Variants in RNF212B observed in about 807,000 individuals in gnomAD.
The protein encoded by RNF212B is ring finger protein 212B.
Under a neutral mutation model 55.5 loss-of-function variants are expected in RNF212B, and 52 were observed. That is an observed-to-expected ratio of 0.94 (90% CI 0.75 to 1.18). The LOEUF (loss-of-function observed/expected upper bound fraction) is 1.18, where lower values mean the gene tolerates loss of function less well. Among genes scored for constraint, RNF212B ranks in the 50% most tolerant of loss-of-function variants. RNF212B has a pLI of 0.00. For missense variants in RNF212B, 289 were observed against 350.4 expected (o/e 0.82, Z 1.40); for synonymous variants, 99 against 121.4 (o/e 0.82, Z 1.21).
chr14:23,231,377 TA>T (rs1882594964), intron 2 of RNF212B, among the ~76,000 whole-genome samples: 1 of 152,102 alleles, frequency 6.6e-6, no homozygotes, highest in South Asian at 2.1e-4. Context: ...GTTAATCTTT[TA>T]AAAAAATGGT....
chr14:23,230,468 C>A (rs1882499079), intron 2 of RNF212B, among the ~76,000 whole-genome samples: 1 of 151,830 alleles, frequency 6.6e-6, no homozygotes, highest in Non-Finnish European at 1.5e-5. Flanking sequence ...TCCTGGCTAA[C>A]ACGGTGAAAC....
intron 2 of RNF212B, among the ~76,000 whole-genome samples, chr14:23,242,668 T>A (rs1264279176): frequency 6.6e-6 from 1 of 152,156 alleles, no homozygotes; most frequent in Non-Finnish European, 1.5e-5. Context: ...AAATTGGGAA[T>A]TTATAAAAAG....
intron 2 of RNF212B, among the ~76,000 whole-genome samples, chr14:23,231,713 C>G (rs1301473608): frequency 2.0e-5 from 3 of 152,152 alleles, no homozygotes; most frequent in African/African-American, 7.2e-5. Context: ...TGTACTGCTG[C>G]CATCTCGGCT....
intron 4 of RNF212B, 64 bp downstream of exon 4, chr14:23,244,460 T>G (rs1485918640): frequency 2.4e-6 from 2 of 850,736 alleles, no homozygotes; most frequent in Non-Finnish European, 1.8e-6. Context: ...ATCTTATTCC[T>G]TTATCAAAGG....
intron 4 of RNF212B, among the ~76,000 whole-genome samples, chr14:23,255,863 G>A (rs896270118): frequency 2.6e-5 from 4 of 152,174 alleles, no homozygotes; most frequent in Admixed American, 2.6e-4. Context: ...TACTGAGTTA[G>A]ATTTTAGAAT....
At position 23,268,961 on chromosome 14, in the gene RNF212B, T is replaced by C. The variant is rs1007621451; in HGVS notation, c.672T>C (p.Tyr224=). Residue 224 remains tyrosine, a splice_region_variant and synonymous_variant, in exon 12 of 15, where the codon TAT becomes TAC. Coordinates refer to ENST00000430154, the MANE Select transcript of RNF212B (RefSeq NM_001282322.3). ...CGGCTTCAACTCATAGCCTATCTTA[T>C]AGGTCAGTAACACTATGCTTCCTTT... is the stretch of plus-strand genomic sequence containing the variant. ...PSPASTHSLS[Y]RTSSASSGQG... is the part of the protein sequence containing the mutation. The C allele has an allele frequency of 1.8e-5, 28 of 1,549,814 alleles. No homozygotes were observed. The East Asian group carries it at 6.6e-4, about 37-fold the overall frequency.
chr14:23,253,174 T>A (rs562375914), intron 4 of RNF212B, among the ~76,000 whole-genome samples: 2 of 152,222 alleles, frequency 1.3e-5, no homozygotes, highest in Non-Finnish European at 2.9e-5. Context: ...ACTTTTTTCT[T>A]AAATATAACC....
intron 4 of RNF212B, among the ~76,000 whole-genome samples, chr14:23,247,519 T>C (rs547336319): frequency 1.3e-5 from 2 of 152,288 alleles, no homozygotes; most frequent in South Asian, 4.1e-4. Context: ...GTATGGTCTT[T>C]TGTGACTTGC....
At chr14:23,263,503 C>G (rs1885453579) in intron 9 of RNF212B, among the ~76,000 whole-genome samples, 1 of 152,088 alleles carries the variant, frequency 6.6e-6, no homozygotes, top group Non-Finnish European at 1.5e-5. Context: ...GGGGTCAGGT[C>G]CTAACAGATG....
At chr14:23,222,717 A>G (rs543824523) in intron 2 of RNF212B, among the ~76,000 whole-genome samples, 3 of 152,304 alleles carry the variant, frequency 2.0e-5, no homozygotes, top group Non-Finnish European at 4.4e-5. Flanking sequence ...ATGAATATTG[A>G]TGCGAAAATG....
rs1174680415 is a variant in RNF212B, at chr14:23,269,849, T to C, written c.675-14T>C. On this transcript the variant is annotated splice_polypyrimidine_tract_variant and intron_variant, in intron 12 of 14. Transcript: ENST00000430154. ...GTCCTTTTCTCTGCTGATGCTTTTA[T>C]TTGCTTTCCTTAGAACTTCATCTGC... 2 of 1,439,326 alleles carry C rather than the reference T, an allele frequency of 1.4e-6. No homozygotes were observed. The highest frequency in any genetic ancestry group is 2.0e-5 in the Admixed American group (1 of 50,590). 89.2% of individuals were successfully genotyped at this position (1,439,326 alleles called of 1,614,324 possible). A position where few individuals can be genotyped will look rare whatever the true frequency, so the allele number is the denominator to read the frequency against.
intron 4 of RNF212B, among the ~76,000 whole-genome samples, chr14:23,253,632 G>T (rs908286364): frequency 2.0e-5 from 3 of 152,056 alleles, no homozygotes; most frequent in African/African-American, 7.2e-5. Flanking sequence ...AGCCATTGAT[G>T]AACTTTGCAG....
intron 4 of RNF212B, among the ~76,000 whole-genome samples, chr14:23,246,677 C>T (rs1884005642): frequency 6.6e-6 from 1 of 152,190 alleles, no homozygotes; most frequent in South Asian, 2.1e-4. Context: ...GTCCTCCCAC[C>T]TTGCCCTACC....
At chr14:23,202,377 T>C (rs1879384263) in intron 2 of RNF212B, among the ~76,000 whole-genome samples, 1 of 152,160 alleles carries the variant, frequency 6.6e-6, no homozygotes, top group African/African-American at 2.4e-5. Context: ...ATAGAGAAAC[T>C]AAACTTATTT....
intron 5 of RNF212B, 72 bp downstream of exon 5, chr14:23,258,736 TG>T (rs1885055652): frequency 1.6e-6 from 1 of 644,106 alleles, no homozygotes; most frequent in Non-Finnish European, 2.5e-6. Context: ...GTCCTTATTG[TG>T]TTTGCAAAGC....
chr14:23,196,026 T>C (rs1052078443), intron 2 of RNF212B, among the ~76,000 whole-genome samples: 1 of 152,174 alleles, frequency 6.6e-6, no homozygotes, highest in African/African-American at 2.4e-5. Context: ...CTTTCAATCA[T>C]GACATTGTTA....
At chr14:23,207,200 T>G (rs994674307) in intron 2 of RNF212B, among the ~76,000 whole-genome samples, 5 of 152,224 alleles carry the variant, frequency 3.3e-5, no homozygotes, top group African/African-American at 1.2e-4. Flanking sequence ...GTGTTCTAAG[T>G]GTAAGTAGGA....
chr14:23,270,519 C>G, intron 13 of RNF212B, 81 bp from the exon 14 acceptor site: 1 of 917,882 alleles, frequency 1.1e-6, no homozygotes, highest in South Asian at 1.4e-5. Flanking sequence ...TAAGAACTAC[C>G]TCATTACCCT....
chr14:23,270,152 T>G (rs1885971312), intron 13 of RNF212B, among the ~76,000 whole-genome samples, 192 bp downstream of exon 13: 1 of 152,208 alleles, frequency 6.6e-6, no homozygotes. Flanking sequence ...TTTGCCTGGT[T>G]AGCACTCATC....
Sources: allele counts gnomAD v4.1 joint callset (sites outside exome capture counted in the v4.1 genomes callset), GRCh38; gene constraint gnomAD v4.1.1; transcripts MANE v1.5; gene names NCBI Gene and HGNC (gene_info 2026-07-23, HGNC 2026-07-21).